Variants in FCRL4 observed in about 807,000 individuals in gnomAD.
FCRL4 encodes the protein Fc receptor like 4.
In FCRL4, 43 loss-of-function variants were observed where a neutral mutation model predicts 64.1. That is an observed-to-expected ratio of 0.67 (90% CI 0.53 to 0.87). The LOEUF is 0.87. FCRL4 is among the 40% of genes least tolerant of loss of function. FCRL4 has a pLI of 0.00. For missense variants in FCRL4, 656 were observed against 613.5 expected, an observed-to-expected ratio of 1.07 and a Z score of -0.73; for synonymous variants, 253 against 239.8, an observed-to-expected ratio of 1.05 and a Z score of -0.51.
intron 1 of FCRL4, among the ~76,000 whole-genome samples, chr1:157,596,562 C>T (rs1262937199): frequency 6.6e-6 from 1 of 152,122 alleles, no homozygotes; most frequent in Admixed American, 6.5e-5. Flanking sequence ...TGACCCAGGG[C>T]AAACCACATG....
In FCRL4 at chr1:157,589,446, T is replaced by C; in HGVS notation, c.65A>G (p.Lys22Arg). 6.2e-7 allele frequency: 1 copy of C among 1,613,952 alleles called. No individual in the cohort carries two copies. The highest frequency in any genetic ancestry group is 8.5e-7 in the Non-Finnish European group (1 of 1,179,850). Residue 22 changes from lysine (K) to arginine (R), a missense_variant, in exon 3 of 12, where the codon AAA becomes AGA. Physicochemically the swap from Lys to Arg is conservative, Grantham distance 26. Coordinates refer to ENST00000271532, the MANE Select transcript of FCRL4 (RefSeq NM_031282.3). Reference protein sequence around the residue: ...PVCGQSAAAHKPVISVHPPWT... With the variant: ...PVCGQSAAAHRPVISVHPPWT... ...TGGAGGATGGACGGAAATCACAGGTTTGTGTGCAGCTGCTGAGGAGGAAAG... is the reference window on the plus strand; with the variant it reads ...TGGAGGATGGACGGAAATCACAGGTCTGTGTGCAGCTGCTGAGGAGGAAAG...
At chr1:157,585,344 C>CCCTTTCTTTCTT (rs1553276894) in intron 6 of FCRL4, among the ~76,000 whole-genome samples, 1 of 81,276 alleles carries the variant, frequency 1.2e-5, no homozygotes, top group South Asian at 5.3e-4. Context: ...CTTTCTCTCT[C>CCCTTTCTTTCTT]TCTTTCTTTC....
In FCRL4 at chr1:157,578,772, T is replaced by C; in HGVS notation, c.1358A>G (p.Asp453Gly). ...AQVELQSLYV[D>G]VHPKKGDLVY... ...GCTTCCTAGAAGGGAATCCTCACCA[T>C]CAACATACAACGACTGAAGCTCCAC... The change falls in exon 9 of 12, where the codon GAT (aspartate) becomes GGT (glycine). Residue 453 changes from aspartate to glycine, a missense_variant and splice_region_variant. Coordinates refer to ENST00000271532, the MANE Select transcript of FCRL4 (RefSeq NM_031282.3). 1 of 1,613,802 alleles carries C rather than the reference T, an allele frequency of 6.2e-7. No homozygotes were observed.
rs1557792899 is a variant in FCRL4 at position 157,592,284 on chromosome 1, G to T, written c.53-2826C>A. Among the ~76,000 whole-genome samples, 4 of 152,052 alleles carry T rather than the reference G, an allele frequency of 2.6e-5. No homozygotes were observed. The South Asian group carries it at 8.3e-4, about 32-fold the overall frequency. On this transcript the variant is annotated intron_variant, in intron 2 of 11. Coordinates refer to ENST00000271532, the MANE Select transcript of FCRL4 (RefSeq NM_031282.3). ...ACTAAAGAGCTTCTGCACAGCAAAA[G>T]AAATTATCATCAGAGCAAACAGGCA... is the stretch of plus-strand genomic sequence containing the variant.
intron 5 of FCRL4, 62 bp downstream of exon 5, chr1:157,587,214 A>G: frequency 6.4e-7 from 1 of 1,568,318 alleles, no homozygotes. Flanking sequence ...CATAGTCCCC[A>G]TGCCTACAGA....
At position 157,580,577 on chromosome 1, in the gene FCRL4, ATT is replaced by A. The variant is rs1652538555; in HGVS notation, c.1250-231_1250-230del. 5.7e-6 allele frequency: 3 copies of A among 524,042 alleles called. No individual in the cohort carries two copies. The East Asian group carries it at 9.9e-5, about 17-fold the overall frequency. The allele number at this position is 524,042 out of a possible 1,614,324, so 32.5% of individuals were successfully genotyped here. On this transcript the variant is annotated intron_variant, in intron 7 of 11. Coordinates refer to ENST00000271532, the MANE Select transcript of FCRL4 (RefSeq NM_031282.3). ...TAAGTATGTAATTGTCTGAGAATTT[ATT>A]AAGACTCAAGTCTGTGTTGAAATCC...
chr1:157,580,512 G>C (rs1453507615), intron 7 of FCRL4, 164 bp from the exon 8 acceptor site: 8 of 702,872 alleles, frequency 1.1e-5, no homozygotes, highest in Non-Finnish European at 2.0e-5. Context: ...ATTGTACAAA[G>C]CATATAACTT....
At position 157,578,825 on chromosome 1, in the gene FCRL4, C is replaced by G; in HGVS notation, c.1305G>C (p.Glu435Asp). The G allele has an allele frequency of 6.2e-7, 1 of 1,613,690 alleles. No individual in the cohort carries two copies. The highest frequency in any genetic ancestry group is 8.5e-7 in the Non-Finnish European group (1 of 1,179,806). The change falls in exon 9 of 12, where the codon GAG (glutamate) becomes GAC (aspartate). Residue 435 changes from glutamate to aspartate, a missense_variant. Glu to Asp is a conservative substitution (Grantham distance 45, BLOSUM62 2). Transcript: ENST00000271532. ...TRLPPAPGPG[E>D]SSHSICPAQV... ...GGGCAGGGCAGATGGAATGGGAGGA[C>G]TCTCCTGGGCCTGGAGCGGGAGGGA...
rs1343136710 is a variant in FCRL4, at chr1:157,574,032, T to C, written c.*1492A>G. The C allele has an allele frequency of 4.8e-6, 1 of 208,568 alleles. No homozygotes were observed. 12.9% of individuals were successfully genotyped at this position (208,568 alleles called of 1,614,324 possible). A position where few individuals can be genotyped will look rare whatever the true frequency, so the allele number is the denominator to read the frequency against. ...TTTTCTTTTTCTCTTTTTTTGGGGG[T>C]GATACATGTGACAAATTCATACACT... On this transcript the variant is annotated 3_prime_UTR_variant, in exon 12 of 12. Coordinates refer to ENST00000271532, the MANE Select transcript of FCRL4 (RefSeq NM_031282.3).
At position 157,581,602 on chromosome 1, in the gene FCRL4, G is replaced by C; in HGVS notation, c.1178C>G (p.Thr393Ser). The C allele has an allele frequency of 6.2e-7, 1 of 1,614,124 alleles. No homozygotes were observed. The highest frequency in any genetic ancestry group is 1.1e-5 in the South Asian group (1 of 91,078). Residue 393 changes from threonine (T) to serine (S), a missense_variant, in exon 7 of 12, where the codon ACT becomes AGT. Physicochemically the swap from Thr to Ser is moderately conservative, Grantham distance 58. Coordinates refer to ENST00000271532, the MANE Select transcript of FCRL4 (RefSeq NM_031282.3). ...GAGAAGAGCACTGAGCAGCCCTCCA[G>C]TGGCTCCCGCGGCGACAAGGCCATC... Reference protein sequence around the residue: ...NRDGLVAAGATGGLLSALLLA... With the variant: ...NRDGLVAAGASGGLLSALLLA...
At chr1:157,581,994 A>T (rs1652571637) in intron 6 of FCRL4, among the ~76,000 whole-genome samples, 3 of 152,144 alleles carry the variant, frequency 2.0e-5, no homozygotes, top group Admixed American at 2.0e-4. Context: ...CTAACTTAGG[A>T]ACAGCAAACT....
intron 3 of FCRL4, among the ~76,000 whole-genome samples, chr1:157,588,800 C>G (rs745565890): frequency 8.5e-5 from 13 of 152,156 alleles, no homozygotes; most frequent in Admixed American, 2.6e-4. Context: ...CGCATAACAA[C>G]GGGTGGGGAT....
Position 157,575,455 on chromosome 1 carries a change from C to A in FCRL4, c.*69G>T. 8.6e-7 allele frequency: 1 copy of A among 1,168,690 alleles called. No individual in the cohort carries two copies. The highest frequency in any genetic ancestry group is 1.3e-6 in the Non-Finnish European group (1 of 787,392). 72.4% of individuals were successfully genotyped at this position (1,168,690 alleles called of 1,614,324 possible). A position where few individuals can be genotyped will look rare whatever the true frequency, so the allele number is the denominator to read the frequency against. ...ATCATTCCAGGGGCCGCAAGGACTG[C>A]ACTGGGCCTGGGACTTTGGACAAGG... On this transcript the variant is annotated 3_prime_UTR_variant, in exon 12 of 12. Transcript: ENST00000271532.
chr1:157,585,390 C>CTT (rs1558155140), intron 6 of FCRL4, among the ~76,000 whole-genome samples: 1 of 86,518 alleles, frequency 1.2e-5, no homozygotes. Flanking sequence ...TTCTTTCTTT[C>CTT]TTTCCTTCTT....
Position 157,597,899 on chromosome 1 carries a change from C to G in FCRL4, c.31+15G>C. 5 of 1,611,704 alleles carry G rather than the reference C, an allele frequency of 3.1e-6. No homozygotes were observed. Among genetic ancestry groups the G allele is most frequent in the Non-Finnish European group, 4.2e-6 (5 of 1,178,320 alleles). ...CAGCTTTGCAGCAAGCAAAGGTCTC[C>G]TCCCCATCACTTACCAAAGGCCAGC... On this transcript the variant is annotated intron_variant, in intron 1 of 11. Transcript: ENST00000271532.
chr1:157,598,002 G>T lies in FCRL4; in HGVS notation c.-58C>A, dbSNP rs776847823. The stretch of plus-strand genomic sequence containing the variant: ...TGAGGAGACAAGCCAGGTCAGCCCA[G>T]ATTGCCAAAGCAGCACTTGCCTACA... On this transcript the variant is annotated 5_prime_UTR_variant, in exon 1 of 12. In the 5' UTR this introduces an upstream ATG that the reference lacks. Transcript: ENST00000271532. The T allele has an allele frequency of 1.7e-5, 24 of 1,425,288 alleles. No individual in the cohort carries two copies. Among genetic ancestry groups the T allele is most frequent in the Non-Finnish European group, 2.4e-5 (24 of 1,012,318 alleles). The allele number at this position is 1,425,288 out of a possible 1,614,324, so 88.3% of individuals were successfully genotyped here. A position where few individuals can be genotyped will look rare whatever the true frequency, so the allele number is the denominator to read the frequency against.
At chr1:157,594,386 C>G (rs1400084840) in intron 2 of FCRL4, among the ~76,000 whole-genome samples, 3 of 152,212 alleles carry the variant, frequency 2.0e-5, no homozygotes, top group East Asian at 1.9e-4. Context: ...CCACCTGTCT[C>G]CCTACTTCTC....
chr1:157,595,721 A>T (rs763896543), intron 2 of FCRL4, among the ~76,000 whole-genome samples: 1 of 152,220 alleles, frequency 6.6e-6, no homozygotes, highest in Non-Finnish European at 1.5e-5. Context: ...GAGACAGTGC[A>T]CCTCAAGGGG....
intron 10 of FCRL4, among the ~76,000 whole-genome samples, chr1:157,577,296 C>T (rs1272743049): frequency 6.6e-6 from 1 of 152,098 alleles, no homozygotes; most frequent in Admixed American, 6.5e-5. Context: ...GAGCTCCCAC[C>T]TCAGAAAGCC....
Sources: allele counts gnomAD v4.1 joint callset (sites outside exome capture counted in the v4.1 genomes callset), GRCh38; gene constraint gnomAD v4.1.1; transcripts MANE v1.5; gene names NCBI Gene and HGNC (gene_info 2026-07-23, HGNC 2026-07-21).